The following CAMK2D variants were observed in gnomAD, a reference collection of about 807,000 sequenced individuals.
CAMK2D encodes the protein calcium/calmodulin dependent protein kinase II delta.
A neutral mutation model predicts 84.0 loss-of-function variants in CAMK2D; 37 were observed. The ratio of observed to expected loss-of-function variants is 0.44; its 90% CI spans 0.34 to 0.58. The LOEUF is 0.58. Among genes scored for constraint, CAMK2D ranks in the 20% least tolerant of loss-of-function variants. CAMK2D has a pLI of 0.02. For missense variants in CAMK2D, 448 were observed against 652.5 expected, an observed-to-expected ratio of 0.69 and a Z score of 3.41; for synonymous variants, 202 against 212.5, an observed-to-expected ratio of 0.95 and a Z score of 0.43.
chr4:113,641,926 C>A (rs982452669), intron 3 of CAMK2D, among the ~76,000 whole-genome samples: 2 of 152,246 alleles, frequency 1.3e-5, no homozygotes, highest in African/African-American at 4.8e-5. Context: ...AGGAGAATCA[C>A]TTGAACCCGG....
chr4:113,577,560 C>T (rs1386134392), intron 4 of CAMK2D, among the ~76,000 whole-genome samples: 1 of 152,074 alleles, frequency 6.6e-6, no homozygotes, highest in Non-Finnish European at 1.5e-5. Context: ...TTGTCTGTTA[C>T]TAGTTCAATA....
At chr4:113,496,484 T>C (rs2097934198) in intron 16 of CAMK2D, among the ~76,000 whole-genome samples, 1 of 148,766 alleles carries the variant, frequency 6.7e-6, no homozygotes, top group Non-Finnish European at 1.5e-5. Flanking sequence ...AGTCTCACTC[T>C]GTCACCCAGG....
intron 2 of CAMK2D, among the ~76,000 whole-genome samples, chr4:113,676,857 A>G (rs1185819492): frequency 6.6e-6 from 1 of 152,174 alleles, no homozygotes; most frequent in Non-Finnish European, 1.5e-5. Flanking sequence ...TCAATCTATA[A>G]CTGATTCACT....
At chr4:113,629,033 T>TAA (rs910635157) in intron 3 of CAMK2D, among the ~76,000 whole-genome samples, 11 of 151,740 alleles carry the variant, frequency 7.2e-5, no homozygotes, top group African/African-American at 1.5e-4. Context: ...ACCTAAGCAG[T>TAA]AAAATATATA....
chr4:113,534,530 G>A (rs538008452), intron 7 of CAMK2D, among the ~76,000 whole-genome samples: 1 of 152,268 alleles, frequency 6.6e-6, no homozygotes, highest in South Asian at 2.1e-4. Flanking sequence ...TTGCTGAGCT[G>A]TCACTGCTTC....
At chr4:113,496,277 T>C (rs1488270043) in intron 16 of CAMK2D, among the ~76,000 whole-genome samples, 1 of 152,122 alleles carries the variant, frequency 6.6e-6, no homozygotes, top group Non-Finnish European at 1.5e-5. Flanking sequence ...TTACTGGAAA[T>C]TGATTAAAAA....
intron 2 of CAMK2D, among the ~76,000 whole-genome samples, chr4:113,692,669 T>C (rs779663057): frequency 1.5e-4 from 22 of 150,812 alleles, no homozygotes; most frequent in Non-Finnish European, 2.8e-4. Context: ...CATATATTCA[T>C]ACATACATAC....
intron 4 of CAMK2D, among the ~76,000 whole-genome samples, chr4:113,594,042 T>G (rs1181095452): frequency 6.6e-6 from 1 of 152,162 alleles, no homozygotes; most frequent in African/African-American, 2.4e-5. Flanking sequence ...TATGGCAGCA[T>G]TTGCTTCTGG....
chr4:113,561,286 C>T (rs2098697338), intron 4 of CAMK2D, among the ~76,000 whole-genome samples: 1 of 152,068 alleles, frequency 6.6e-6, no homozygotes, highest in Non-Finnish European at 1.5e-5. Flanking sequence ...TCAGTCTGGG[C>T]AACATAGTGA....
chr4:113,722,419 C>A (rs1017679418), intron 2 of CAMK2D, among the ~76,000 whole-genome samples: 1 of 152,096 alleles, frequency 6.6e-6, no homozygotes, highest in African/African-American at 2.4e-5. Flanking sequence ...CTCAAAAATG[C>A]TCCTCTTCCC....
At chr4:113,556,543 T>C (rs966407569) in intron 4 of CAMK2D, among the ~76,000 whole-genome samples, 1 of 152,174 alleles carries the variant, frequency 6.6e-6, no homozygotes, top group African/African-American at 2.4e-5. Context: ...ACTGGGTGTC[T>C]TGGCTGGATG....
At chr4:113,562,928 T>C (rs1174621113) in intron 4 of CAMK2D, among the ~76,000 whole-genome samples, 2 of 152,192 alleles carry the variant, frequency 1.3e-5, no homozygotes, top group Non-Finnish European at 2.9e-5. Context: ...TATTCAACAA[T>C]ACAACAAGAT....
At chr4:113,524,957 G>A (rs1434323430) in intron 8 of CAMK2D, among the ~76,000 whole-genome samples, 1 of 152,180 alleles carries the variant, frequency 6.6e-6, no homozygotes, top group African/African-American at 2.4e-5. Context: ...TAATCTGGAG[G>A]CCTATCTGTG....
intron 2 of CAMK2D, among the ~76,000 whole-genome samples, chr4:113,708,097 T>C (rs2099468433): frequency 6.6e-6 from 1 of 152,172 alleles, no homozygotes; most frequent in African/African-American, 2.4e-5. Context: ...AAAAAGTCCC[T>C]TCTCCAGTCT....
chr4:113,628,294 T>A (rs1415587249), intron 3 of CAMK2D, among the ~76,000 whole-genome samples: 1 of 152,274 alleles, frequency 6.6e-6, no homozygotes, highest in South Asian at 2.1e-4. Flanking sequence ...CTACAGTTTA[T>A]AACCTACTAG....
intron 4 of CAMK2D, among the ~76,000 whole-genome samples, chr4:113,577,861 C>G (rs2098791013): frequency 6.6e-6 from 1 of 151,936 alleles, no homozygotes; most frequent in Non-Finnish European, 1.5e-5. Flanking sequence ...TCAGACAAGA[C>G]TCTGTATTTG....
intron 2 of CAMK2D, among the ~76,000 whole-genome samples, chr4:113,721,827 A>G (rs1230758589): frequency 6.6e-6 from 1 of 152,146 alleles, no homozygotes; most frequent in Admixed American, 6.5e-5. Flanking sequence ...CGATATAAAG[A>G]CCACTTGTAC....
rs190743014 is a variant in CAMK2D, at chr4:113,486,648, A to G, written c.1135+13815T>C. ...TCCTTGGCATGTTTATGTTTTTCTTATACCCAATCTCTGCTTCCTGATGCT... is the reference window on the plus strand; with the variant it reads ...TCCTTGGCATGTTTATGTTTTTCTTGTACCCAATCTCTGCTTCCTGATGCT... On this transcript the variant is annotated intron_variant, in intron 16 of 20. Transcript: ENST00000511664. 2.2e-4 allele frequency among the ~76,000 whole-genome samples: 34 copies of G among 152,358 alleles called. No individual in the cohort carries two copies. The East Asian group carries it at 6.0e-3, about 27-fold the overall frequency.
intron 3 of CAMK2D, among the ~76,000 whole-genome samples, chr4:113,657,597 A>C (rs957047722): frequency 1.3e-5 from 2 of 152,202 alleles, no homozygotes; most frequent in Non-Finnish European, 2.9e-5. Flanking sequence ...TCTTTATACA[A>C]TGTTGTATTT....
Sources: gnomAD v4.1 joint callset for allele counts (sites outside exome capture counted in the v4.1 genomes callset) on GRCh38, gnomAD v4.1.1 for gene constraint, MANE v1.5 for transcripts, NCBI Gene and HGNC (gene_info 2026-07-23, HGNC 2026-07-21) for gene names.